Variants in JAK1 observed in about 807,000 individuals in gnomAD.
JAK1 encodes tyrosine-protein kinase JAK1.
Under a neutral mutation model 136.6 loss-of-function variants are expected in JAK1, and 16 were observed. The observed-to-expected ratio is 0.12, with a 90% CI of 0.08 to 0.18. JAK1 has a LOEUF of 0.18. Ranked by LOEUF, JAK1 falls within the 10% of genes least tolerant of loss-of-function variation. The probability of loss-of-function intolerance (pLI) is 1.00; values close to 1 mark genes in which losing one functional copy is unlikely to be tolerated. For synonymous variants in JAK1, 492 were observed against 519.5 expected (o/e 0.95, Z 0.72); for missense variants, 859 against 1,450.1 (o/e 0.59, Z 6.62).
In JAK1 at chr1:64,850,834, G is replaced by A. The variant is rs1343180276; in HGVS notation, c.1725C>T (p.Phe575=). The change falls in exon 12 of 25, where the codon TTC becomes TTT. Residue 575 remains phenylalanine (F), a synonymous_variant. Transcript: ENST00000342505. ...CCAGATCCTTCTTGAGGATCCGATC[G>A]AAACTCAGCTGGCTCATGGGGTAGA... ...QPVYPMSQLS[F]DRILKKDLVQ... 21 of 1,613,940 alleles carry A rather than the reference G, an allele frequency of 1.3e-5. No individual in the cohort carries two copies. Among genetic ancestry groups the A allele is most frequent in the East Asian group, 2.2e-5 (1 of 44,888 alleles).
chr1:64,984,825 G>C lies in JAK1; in HGVS notation c.-78+59655C>G, dbSNP rs773491298. 8.9e-6 allele frequency: 10 copies of C among 1,124,174 alleles called. No homozygotes were observed. Among genetic ancestry groups the C allele is most frequent in the Middle Eastern group, 2.0e-4 (1 of 4,920 alleles). 69.6% of individuals were successfully genotyped at this position (1,124,174 alleles called of 1,614,324 possible). On this transcript the variant is annotated intron_variant, in intron 2 of 25. Coordinates refer to the JAK1 transcript ENST00000671954. The surrounding 1 kb of genome is among the most constrained non-coding windows in gnomAD (Gnocchi z 4.1). ...AAAAACGTAGGCTCCTAAATAGTAAGCAGCAGAAGGGAAAAGCAATCTGAC... is the reference window on the plus strand; with the variant it reads ...AAAAACGTAGGCTCCTAAATAGTAACCAGCAGAAGGGAAAAGCAATCTGAC...
At chr1:65,048,795 A>AT (rs1647214133) in intron 1 of JAK1, among the ~76,000 whole-genome samples, 2 of 152,106 alleles carry the variant, frequency 1.3e-5, no homozygotes, top group African/African-American at 4.8e-5. Context: ...TACCACTCTG[A>AT]TTGAGAGTCT....
At chr1:64,886,236 TA>T in intron 2 of JAK1, 22 bp downstream of exon 2, 1 of 1,541,342 alleles carries the variant, frequency 6.5e-7, no homozygotes, top group Non-Finnish European at 8.9e-7. Context: ...TTTCCTTTTT[TA>T]AAAATATGCA....
chr1:64,881,553 T>C (rs1644772895), intron 3 of JAK1, among the ~76,000 whole-genome samples: 1 of 152,172 alleles, frequency 6.6e-6, no homozygotes, highest in African/African-American at 2.4e-5. Flanking sequence ...GTAGTAACAG[T>C]GAGAGCTACA....
intron 1 of JAK1, among the ~76,000 whole-genome samples, chr1:64,900,447 T>C (rs897520678): frequency 1.3e-5 from 2 of 152,194 alleles, no homozygotes; most frequent in African/African-American, 2.4e-5. Flanking sequence ...ACTTAAGCAT[T>C]TCATGAAGAG....
chr1:64,854,888 G>A lies in JAK1; in HGVS notation c.1648+621C>T, dbSNP rs577863776. Among the ~76,000 whole-genome samples the A allele has an allele frequency of 9.2e-5, 14 of 151,924 alleles. No individual in the cohort carries two copies. The East Asian group carries it at 2.1e-3, about 23-fold the overall frequency. ...TTGCACGTGCCGAGATGCCCTGACC[G>A]CACTGGCAACCTCCCACTCATCCTC... On this transcript the variant is annotated intron_variant, in intron 11 of 24. Transcript: ENST00000342505.
At chr1:65,062,828 A>G (rs540152054) in intron 1 of JAK1, among the ~76,000 whole-genome samples, 89 of 152,166 alleles carry the variant, frequency 5.8e-4, no homozygotes, top group African/African-American at 2.1e-3. Flanking sequence ...CTCAACAGAT[A>G]CTTGATTGAT....
At chr1:65,002,736 G>C (rs1200537169) in intron 2 of JAK1, among the ~76,000 whole-genome samples, 2 of 152,288 alleles carry the variant, frequency 1.3e-5, no homozygotes, top group East Asian at 1.9e-4. Flanking sequence ...AAGCCCGGGC[G>C]CTCTTACCGA....
At chr1:64,858,161 G>T (rs919002107) in intron 9 of JAK1, among the ~76,000 whole-genome samples, 5 of 152,196 alleles carry the variant, frequency 3.3e-5, no homozygotes, top group African/African-American at 9.6e-5. Context: ...ACCTCATGGG[G>T]GTGGGAACTG....
At chr1:64,981,961 T>C (rs771241231) in intron 2 of JAK1, among the ~76,000 whole-genome samples, 5 of 152,208 alleles carry the variant, frequency 3.3e-5, no homozygotes, top group Non-Finnish European at 7.3e-5. Flanking sequence ...GTTAGTGTCC[T>C]GGAGATGTAA....
chr1:65,039,663 C>A (rs1471519703), intron 2 of JAK1, among the ~76,000 whole-genome samples: 1 of 152,146 alleles, frequency 6.6e-6, no homozygotes, highest in Non-Finnish European at 1.5e-5. Flanking sequence ...ACACATTGAG[C>A]TGCGTACCAG....
At chr1:64,957,586 G>A (rs545262354) in intron 1 of JAK1, among the ~76,000 whole-genome samples, 3 of 152,284 alleles carry the variant, frequency 2.0e-5, no homozygotes, top group South Asian at 2.1e-4. Context: ...TGAGGCAGGC[G>A]GATCACGAGG....
intron 2 of JAK1, among the ~76,000 whole-genome samples, chr1:65,020,055 A>G (rs1310092129): frequency 2.0e-5 from 3 of 151,778 alleles, no homozygotes; most frequent in Non-Finnish European, 4.4e-5. Context: ...GTGAAACCCC[A>G]TCTCTACTAA....
intron 8 of JAK1, among the ~76,000 whole-genome samples, chr1:64,861,403 G>A (rs1258017736): frequency 6.6e-6 from 1 of 152,086 alleles, no homozygotes; most frequent in Non-Finnish European, 1.5e-5. Flanking sequence ...CAAGGAAGGT[G>A]TTCTGAAAGA....
intron 6 of JAK1, 73 bp downstream of exon 6, chr1:64,869,238 G>T: frequency 7.0e-7 from 1 of 1,425,046 alleles, no homozygotes; most frequent in Non-Finnish European, 9.8e-7. Flanking sequence ...CAGTAATTAA[G>T]CTGAAATGTG....
At chr1:64,838,380 C>T (rs1480532465) in intron 21 of JAK1, 85 bp downstream of exon 21, 4 of 1,377,384 alleles carry the variant, frequency 2.9e-6, no homozygotes, top group Non-Finnish European at 4.0e-6. Context: ...CATAAACTTA[C>T]CCACTTAGAG....
rs568495651 is a variant in JAK1, at chr1:64,889,301, G to A, written c.-77-2960C>T. ...CCCTTTAAAAAGAACATGATTCACT[G>A]GGTTCAATTCCCAACTCAAATGAAT... is the stretch of plus-strand genomic sequence containing the variant. On this transcript the variant is annotated intron_variant, in intron 1 of 24. Transcript: ENST00000342505. Among the ~76,000 whole-genome samples the A allele has an allele frequency of 3.3e-5, 5 of 152,234 alleles. No homozygotes were observed. The East Asian group carries it at 9.6e-4, about 29-fold the overall frequency.
intron 17 of JAK1, among the ~76,000 whole-genome samples, chr1:64,842,148 C>T (rs754883059): frequency 2.6e-5 from 4 of 151,922 alleles, no homozygotes; most frequent in Non-Finnish European, 5.9e-5. Flanking sequence ...AATGAAAAAA[C>T]TCAGAATTTT....
chr1:64,902,504 T>C (rs1479717034), intron 1 of JAK1, among the ~76,000 whole-genome samples: 1 of 150,240 alleles, frequency 6.7e-6, no homozygotes, highest in Non-Finnish European at 1.5e-5. Flanking sequence ...AGGATCTGAG[T>C]ATATAACATG....
Sources: gnomAD v4.1 joint callset for allele counts (sites outside exome capture counted in the v4.1 genomes callset) on GRCh38, gnomAD v4.1.1 for gene constraint, Gnocchi (gnomAD v3.1) non-coding constraint, MANE v1.5 for transcripts, NCBI Gene and HGNC (gene_info 2026-07-23, HGNC 2026-07-21) for gene names.